Variants in SORCS3 observed in about 807,000 individuals in gnomAD.
The protein encoded by SORCS3 is VPS10 domain-containing receptor SorCS3.
SORCS3 carries 57 observed loss-of-function variants against 146.3 expected under a neutral mutation model. That is an observed-to-expected ratio of 0.39 (90% CI 0.31 to 0.49). SORCS3 has a LOEUF of 0.49. Among genes scored for constraint, SORCS3 ranks in the 20% least tolerant of loss-of-function variants. The pLI, the probability that SORCS3 is intolerant of heterozygous loss-of-function variation, is 0.92. For missense variants in SORCS3, 1,341 were observed against 1,575.5 expected, an observed-to-expected ratio of 0.85 and a Z score of 2.52; for synonymous variants, 653 against 618.5, an observed-to-expected ratio of 1.06 and a Z score of -0.83.
rs116073360 is a variant in SORCS3, at chr10:105,017,147, T to A, written c.955-25908T>A. On this transcript the variant is annotated intron_variant, in intron 4 of 26. Transcript: ENST00000369701. ...AGTTATTCGTTATAATGAAGGGGAT[T>A]TTTTTTTTTTGAGGGAACCGTCTGC... Among the ~76,000 whole-genome samples the A allele has an allele frequency of 7.2e-3, 1,079 of 150,150 alleles. 17 individuals carry two copies. The highest frequency in any genetic ancestry group is 0.025 in the African/African-American group (1,021 of 41,188).
At chr10:105,182,773 G>T (rs1395911088) in intron 14 of SORCS3, among the ~76,000 whole-genome samples, 1 of 152,096 alleles carries the variant, frequency 6.6e-6, no homozygotes, top group Non-Finnish European at 1.5e-5. Flanking sequence ...ATGGTTCACT[G>T]CAGCCTTGAC....
intron 1 of SORCS3, among the ~76,000 whole-genome samples, chr10:104,819,739 G>A (rs1230411696): frequency 5.9e-5 from 9 of 152,158 alleles, no homozygotes; most frequent in Admixed American, 5.2e-4. Context: ...GAAAACTAGG[G>A]CCTGACATCT....
At chr10:105,070,242 CT>C (rs1235822812) in intron 5 of SORCS3, among the ~76,000 whole-genome samples, 21 of 152,176 alleles carry the variant, frequency 1.4e-4, no homozygotes, top group African/African-American at 5.1e-4. Context: ...CCTTTCATGT[CT>C]TACTAGACCT....
chr10:105,073,386 A>G (rs1252648220), intron 5 of SORCS3, among the ~76,000 whole-genome samples: 2 of 152,190 alleles, frequency 1.3e-5, no homozygotes, highest in African/African-American at 4.8e-5. Context: ...TTAGAGAATG[A>G]CGCTGGACAC....
chr10:105,216,867 AG>A, intron 18 of SORCS3, 68 bp from the exon 19 acceptor site: 2 of 1,485,232 alleles, frequency 1.3e-6, no homozygotes, highest in Non-Finnish European at 1.9e-6. Context: ...CTGAAGCAAC[AG>A]GAGGAAGCAT....
intron 4 of SORCS3, among the ~76,000 whole-genome samples, chr10:104,982,439 C>T (rs2054936387): frequency 6.6e-6 from 1 of 152,160 alleles, no homozygotes; most frequent in Non-Finnish European, 1.5e-5. Flanking sequence ...TAGCTATTGG[C>T]AGAAACAGGC....
intron 1 of SORCS3, among the ~76,000 whole-genome samples, chr10:104,783,373 A>C (rs2017396634): frequency 6.6e-6 from 1 of 152,172 alleles, no homozygotes; most frequent in Non-Finnish European, 1.5e-5. Flanking sequence ...ATGGTGATTT[A>C]GAGTTTTGAT....
chr10:104,666,254 A>G (rs1276399248), intron 1 of SORCS3: 2 of 151,792 alleles, frequency 1.3e-5, no homozygotes, highest in Non-Finnish European at 2.9e-5. Context: ...ATTTTATTCA[A>G]CCCTGTAACA....
chr10:104,991,083 G>A (rs1436052417), intron 4 of SORCS3, among the ~76,000 whole-genome samples: 5 of 152,042 alleles, frequency 3.3e-5, no homozygotes, highest in Non-Finnish European at 7.4e-5. Flanking sequence ...CCCAGGCATC[G>A]ACTGACCCAG....
At chr10:104,950,656 A>T (rs895017254) in intron 3 of SORCS3, among the ~76,000 whole-genome samples, 1 of 152,198 alleles carries the variant, frequency 6.6e-6, no homozygotes, top group African/African-American at 2.4e-5. Context: ...GGGCTAGCAC[A>T]AGTGGCTTGG....
intron 1 of SORCS3, among the ~76,000 whole-genome samples, chr10:104,698,869 G>T (rs12416372): frequency 6.6e-6 from 1 of 151,960 alleles, no homozygotes; most frequent in Non-Finnish European, 1.5e-5. Flanking sequence ...GGTCACTGTG[G>T]GATGGAGGAG....
intron 1 of SORCS3, among the ~76,000 whole-genome samples, chr10:104,782,114 A>G (rs914365445): frequency 5.3e-5 from 8 of 152,184 alleles, no homozygotes; most frequent in Non-Finnish European, 1.0e-4. Context: ...GGATCATGCC[A>G]TTGTGTGCAT....
chr10:105,150,535 C>T (rs1306524437), intron 9 of SORCS3, among the ~76,000 whole-genome samples: 2 of 152,092 alleles, frequency 1.3e-5, no homozygotes, highest in Admixed American at 6.6e-5. Flanking sequence ...AAGAAGGAGG[C>T]ATTCCAAACG....
intron 18 of SORCS3, 97 bp downstream of exon 18, chr10:105,214,710 A>C (rs2056655270): frequency 8.4e-7 from 1 of 1,192,754 alleles, no homozygotes; most frequent in Non-Finnish European, 1.1e-6. Context: ...CCCCTGCACC[A>C]AAGTCAATGG....
chr10:104,907,379 A>G (rs764875033), intron 2 of SORCS3, among the ~76,000 whole-genome samples: 8 of 152,182 alleles, frequency 5.3e-5, no homozygotes, highest in Non-Finnish European at 1.0e-4. Context: ...ACAACTCACC[A>G]TCCTATTTTC....
chr10:104,887,971 G>GTGC (rs1554857309), intron 2 of SORCS3, among the ~76,000 whole-genome samples: 5,894 of 82,954 alleles, frequency 0.071, 1,174 homozygotes, highest in African/African-American at 0.29. Context: ...GGGGGGCGGG[G>GTGC]GCGGAGCAAG....
At chr10:105,260,811 G>A (rs750416773) in intron 25 of SORCS3, among the ~76,000 whole-genome samples, 2 of 152,106 alleles carry the variant, frequency 1.3e-5, no homozygotes, top group South Asian at 2.1e-4. Flanking sequence ...ATGGGTGTCC[G>A]ATGTCCCAAG....
chr10:105,158,653 C>A (rs545881330), intron 10 of SORCS3, among the ~76,000 whole-genome samples: 3 of 151,054 alleles, frequency 2.0e-5, no homozygotes, highest in African/African-American at 7.3e-5. Flanking sequence ...GGGAAAGGCA[C>A]GAGATTGTGG....
intron 1 of SORCS3, among the ~76,000 whole-genome samples, chr10:104,769,554 C>T (rs1490878163): frequency 6.6e-6 from 1 of 152,158 alleles, no homozygotes; most frequent in African/African-American, 2.4e-5. Flanking sequence ...ATGGAAGAAG[C>T]TGGCAAGCAT....
Sources: gnomAD v4.1 joint callset for allele counts (sites outside exome capture counted in the v4.1 genomes callset) on GRCh38, gnomAD v4.1.1 for gene constraint, MANE v1.5 for transcripts, NCBI Gene and HGNC (gene_info 2026-07-23, HGNC 2026-07-21) for gene names.